AGBL1: variants seen among roughly 807,000 people sequenced by gnomAD.
AGBL1 encodes cytosolic carboxypeptidase 4.
AGBL1 carries 130 observed loss-of-function variants against 118.9 expected under a neutral mutation model. The ratio of observed to expected loss-of-function variants is 1.09; its 90% confidence interval spans 0.95 to 1.26. The LOEUF is 1.26. Among genes scored for constraint, AGBL1 ranks in the 50% most tolerant of loss-of-function variants. AGBL1 has a pLI of 0.00. For missense variants in AGBL1, 1,584 were observed against 1,298.1 expected (o/e 1.22, Z -3.38); for synonymous variants, 555 against 478.9 (o/e 1.16, Z -2.08).
chr15:86,624,820 A>G (rs2084859575), intron 21 of AGBL1, among the ~76,000 whole-genome samples: 1 of 152,180 alleles, frequency 6.6e-6, no homozygotes. Context: ...AAGGTCAGAC[A>G]CCAGCAGCTT....
intron 18 of AGBL1, among the ~76,000 whole-genome samples, chr15:86,487,397 A>C (rs750118495): frequency 8.5e-5 from 13 of 152,130 alleles, no homozygotes; most frequent in Non-Finnish European, 1.3e-4. Flanking sequence ...GCCAATGTGC[A>C]GAACGATGGT....
intron 22 of AGBL1, among the ~76,000 whole-genome samples, chr15:86,893,357 C>T (rs910382419): frequency 7.9e-5 from 12 of 152,098 alleles, no homozygotes; most frequent in African/African-American, 1.9e-4. Context: ...AAAAAGAATC[C>T]GCAAAACTGC....
chr15:86,420,693 TGCAA>T (rs1423140410), intron 18 of AGBL1, among the ~76,000 whole-genome samples: 1 of 152,142 alleles, frequency 6.6e-6, no homozygotes, highest in African/African-American at 2.4e-5. Flanking sequence ...TCTAACCCAA[TGCAA>T]GGAAGCTAAG....
At chr15:86,498,089 T>G (rs2082875205) in intron 18 of AGBL1, among the ~76,000 whole-genome samples, 1 of 151,982 alleles carries the variant, frequency 6.6e-6, no homozygotes, top group Non-Finnish European at 1.5e-5. Context: ...TTATAGACTT[T>G]GGAAATTCTA....
chr15:86,188,975 A>T (rs888192060), intron 5 of AGBL1, among the ~76,000 whole-genome samples: 2 of 152,238 alleles, frequency 1.3e-5, no homozygotes, highest in African/African-American at 2.4e-5. Flanking sequence ...AGGATGAATT[A>T]ACTGTACATG....
chr15:86,265,825 A>T (rs1296430727), intron 11 of AGBL1, among the ~76,000 whole-genome samples: 1 of 152,186 alleles, frequency 6.6e-6, no homozygotes, highest in Non-Finnish European at 1.5e-5. Flanking sequence ...CAGGAAGGTA[A>T]TCTGAAAGAC....
At chr15:86,325,802 T>A (rs2080175212) in intron 17 of AGBL1, among the ~76,000 whole-genome samples, 1 of 152,134 alleles carries the variant, frequency 6.6e-6, no homozygotes, top group Non-Finnish European at 1.5e-5. Flanking sequence ...GTCACATAGA[T>A]CTCAGAGTGG....
chr15:87,006,912 G>T (rs538136697), intron 24 of AGBL1, among the ~76,000 whole-genome samples: 1 of 152,142 alleles, frequency 6.6e-6, no homozygotes, highest in Non-Finnish European at 1.5e-5. Context: ...TGTTTCATGG[G>T]TGAGGAGTGA....
chr15:86,983,366 G>A (rs574452522), intron 23 of AGBL1, among the ~76,000 whole-genome samples: 9 of 151,840 alleles, frequency 5.9e-5, no homozygotes, highest in Non-Finnish European at 8.8e-5. Flanking sequence ...TATTTCATTC[G>A]CACAAAGAAT....
intron 18 of AGBL1, among the ~76,000 whole-genome samples, chr15:86,447,287 A>C (rs2082132737): frequency 6.6e-6 from 1 of 152,240 alleles, no homozygotes; most frequent in African/African-American, 2.4e-5. Context: ...GAGCTACTGC[A>C]AATGACTCTT....
intron 21 of AGBL1, among the ~76,000 whole-genome samples, chr15:86,563,504 G>T (rs573222054): frequency 6.6e-6 from 1 of 151,672 alleles, no homozygotes; most frequent in Non-Finnish European, 1.5e-5. Context: ...TGTGGTCTGA[G>T]AGACAGTTTG....
intron 17 of AGBL1, among the ~76,000 whole-genome samples, chr15:86,392,123 C>T (rs1056482402): frequency 3.9e-5 from 6 of 152,100 alleles, no homozygotes; most frequent in Non-Finnish European, 5.9e-5. Context: ...CTACTTGCAG[C>T]TGTCTGTATG....
chr15:86,626,999 A>G (rs576382290), intron 21 of AGBL1, among the ~76,000 whole-genome samples: 9 of 145,160 alleles, frequency 6.2e-5, no homozygotes, highest in East Asian at 6.1e-4. Flanking sequence ...CACAACGACC[A>G]GCTAATTTTT....
At chr15:86,744,718 A>G (rs999204255) in intron 22 of AGBL1, among the ~76,000 whole-genome samples, 1 of 152,098 alleles carries the variant, frequency 6.6e-6, no homozygotes, top group Non-Finnish European at 1.5e-5. Context: ...TCCTGAGACT[A>G]ATATGGGAGA....
chr15:86,298,206 C>T (rs965956635), intron 17 of AGBL1, among the ~76,000 whole-genome samples: 11 of 120,908 alleles, frequency 9.1e-5, no homozygotes, highest in Admixed American at 4.5e-4. Flanking sequence ...TTCAGCAGGG[C>T]TACATAATAA....
intron 23 of AGBL1, among the ~76,000 whole-genome samples, chr15:86,977,819 C>T (rs992480922): frequency 6.6e-6 from 1 of 151,788 alleles, no homozygotes; most frequent in Non-Finnish European, 1.5e-5. Context: ...ACTTTTAGAT[C>T]GATATTGACT....
At chr15:86,159,921 T>G (rs1347377980) in intron 5 of AGBL1, among the ~76,000 whole-genome samples, 1 of 152,002 alleles carries the variant, frequency 6.6e-6, no homozygotes, top group Non-Finnish European at 1.5e-5. Context: ...TTTCGTAGAG[T>G]GAAATACATT....
chr15:86,692,241 T>G (rs1407154072), intron 22 of AGBL1, among the ~76,000 whole-genome samples: 1 of 151,950 alleles, frequency 6.6e-6, no homozygotes, highest in African/African-American at 2.4e-5. Flanking sequence ...CCAGAATTGT[T>G]CTCGAATCAG....
chr15:86,768,112 A>C (rs541875151), intron 22 of AGBL1, among the ~76,000 whole-genome samples: 1 of 152,066 alleles, frequency 6.6e-6, no homozygotes, highest in African/African-American at 2.4e-5. Flanking sequence ...CTCCACAGTG[A>C]ATCTAGTCAA....
Sources: allele counts gnomAD v4.1 joint callset (sites outside exome capture counted in the v4.1 genomes callset), GRCh38; gene constraint gnomAD v4.1.1; transcripts MANE v1.5; gene names NCBI Gene and HGNC (gene_info 2026-07-23, HGNC 2026-07-21).